The following LRP1B variants were observed in gnomAD, a reference collection of about 807,000 sequenced individuals.
LRP1B encodes LDL receptor related protein 1B.
LRP1B carries 217 observed loss-of-function variants against 556.6 expected under a neutral mutation model. That is an observed-to-expected ratio of 0.39 (90% confidence interval 0.35 to 0.44). The LOEUF (loss-of-function observed/expected upper bound fraction) is 0.44. Ranked by LOEUF, LRP1B falls within the 20% of genes least tolerant of loss-of-function variation. The probability of loss-of-function intolerance (pLI) is 1.00; values close to 1 mark genes in which losing one functional copy is unlikely to be tolerated. For synonymous variants in LRP1B, 2,047 were observed against 1,865.8 expected (o/e 1.10, Z -2.50); for missense variants, 5,053 against 5,620.8 (o/e 0.90, Z 3.23).
chr2:140,644,851 C>T (rs1487704385), intron 41 of LRP1B, among the ~76,000 whole-genome samples: 1 of 151,754 alleles, frequency 6.6e-6, no homozygotes, highest in Non-Finnish European at 1.5e-5. Context: ...TACAAGTACT[C>T]CTTATTCATT....
chr2:140,649,723 C>G (rs1194712337), intron 41 of LRP1B, among the ~76,000 whole-genome samples: 4 of 152,156 alleles, frequency 2.6e-5, no homozygotes, highest in Non-Finnish European at 5.9e-5. Flanking sequence ...TCACCAGATC[C>G]CGTGAATCTA....
chr2:141,415,037 C>T lies in LRP1B; in HGVS notation c.343+65359G>A, dbSNP rs918294426. On this transcript the variant is annotated intron_variant, in intron 3 of 90. Coordinates refer to ENST00000389484, the MANE Select transcript of LRP1B (RefSeq NM_018557.3). ...TGTTTTGTTTTGTTTTGTTTTGAGACGGAGTCTTGCTCTGTCACCCAGGCT... is the reference window on the plus strand; with the variant it reads ...TGTTTTGTTTTGTTTTGTTTTGAGATGGAGTCTTGCTCTGTCACCCAGGCT... Among the ~76,000 whole-genome samples, 19 of 151,250 alleles carry T rather than the reference C, an allele frequency of 1.3e-4. 1 individual carries two copies. The highest frequency in any genetic ancestry group is 1.1e-3 in the Admixed American group (16 of 15,222).
At chr2:141,711,231 A>G (rs1252688439) in intron 2 of LRP1B, among the ~76,000 whole-genome samples, 3 of 152,094 alleles carry the variant, frequency 2.0e-5, no homozygotes. Context: ...TGCCAACCCA[A>G]CCAGAGCTGA....
chr2:141,331,214 G>A (rs1209658943), intron 3 of LRP1B, among the ~76,000 whole-genome samples: 2 of 152,188 alleles, frequency 1.3e-5, no homozygotes, highest in Admixed American at 1.3e-4. Context: ...AAGTAGTCAA[G>A]TAGTTTCTAA....
chr2:141,475,881 T>A (rs1384522038), intron 3 of LRP1B, among the ~76,000 whole-genome samples: 4 of 152,088 alleles, frequency 2.6e-5, no homozygotes, highest in African/African-American at 9.7e-5. Flanking sequence ...CGTCCAACAA[T>A]AAAATCTCCT....
chr2:140,514,667 C>T lies in LRP1B; in HGVS notation c.8255G>A (p.Ser2752Asn), dbSNP rs2104931684. 1 of 1,609,596 alleles carries T rather than the reference C, an allele frequency of 6.2e-7. No homozygotes were observed. The highest frequency in any genetic ancestry group is 8.5e-7 in the Non-Finnish European group (1 of 1,177,182). ...EDDCGDGLDE[S>N]DSICGAITCA... is the part of the protein sequence containing the mutation. ...ACACAACTTACCACAAATGCTGTCA[C>T]TTTCATCTAACCCATCCCCACAGTC... The change falls in exon 51 of 91, where the codon AGT (serine) becomes AAT (asparagine). Residue 2752 changes from serine (S) to asparagine (N), a missense_variant. Coordinates refer to ENST00000389484, the MANE Select transcript of LRP1B (RefSeq NM_018557.3).
chr2:142,113,030 G>A (rs554657006), intron 1 of LRP1B, among the ~76,000 whole-genome samples: 1 of 152,010 alleles, frequency 6.6e-6, no homozygotes, highest in African/African-American at 2.4e-5. Context: ...CTTCCCCCTG[G>A]TGGTTATAGA....
intron 67 of LRP1B, among the ~76,000 whole-genome samples, chr2:140,383,530 C>A (rs1683628992): frequency 6.6e-6 from 1 of 152,062 alleles, no homozygotes; most frequent in Non-Finnish European, 1.5e-5. Flanking sequence ...CTTCCCATTT[C>A]TTCTGGCCTA....
At chr2:141,480,741 T>C (rs887015890) in intron 2 of LRP1B, among the ~76,000 whole-genome samples, 1 of 152,212 alleles carries the variant, frequency 6.6e-6, no homozygotes, top group Non-Finnish European at 1.5e-5. Flanking sequence ...AAATATGTAT[T>C]TTTTCAAATA....
intron 89 of LRP1B, 100 bp from the exon 90 acceptor site, chr2:140,234,984 C>T (rs1379408344): frequency 3.4e-6 from 2 of 595,180 alleles, no homozygotes; most frequent in South Asian, 4.4e-5. Context: ...ATAAAAATAC[C>T]CTTTAGCCTT....
intron 31 of LRP1B, among the ~76,000 whole-genome samples, chr2:140,833,356 T>C (rs1691783832): frequency 6.6e-6 from 1 of 152,186 alleles, no homozygotes; most frequent in South Asian, 2.1e-4. Flanking sequence ...TTCTTTACCA[T>C]TGTCACTTGG....
chr2:140,929,822 C>T (rs1436741552), intron 20 of LRP1B, among the ~76,000 whole-genome samples: 3 of 148,110 alleles, frequency 2.0e-5, no homozygotes, highest in Non-Finnish European at 3.0e-5. Context: ...TCTCATTCTA[C>T]TTCCTTACTA....
chr2:142,128,948 T>A (rs1162138149), intron 1 of LRP1B, among the ~76,000 whole-genome samples: 3 of 152,234 alleles, frequency 2.0e-5, no homozygotes, highest in Non-Finnish European at 4.4e-5. Context: ...GTAGCAGTAG[T>A]TCTATCCTCA....
chr2:141,963,015 T>A (rs1701445545), intron 1 of LRP1B, among the ~76,000 whole-genome samples: 2 of 151,768 alleles, frequency 1.3e-5, no homozygotes. Flanking sequence ...TAAAATAAGA[T>A]TTTTTATTCA....
intron 7 of LRP1B, among the ~76,000 whole-genome samples, chr2:141,143,545 T>C (rs943030457): frequency 3.9e-5 from 6 of 152,194 alleles, no homozygotes; most frequent in South Asian, 2.1e-4. Flanking sequence ...TAGGATCTTA[T>C]TGGAGTTGTA....
At chr2:140,587,964 C>T (rs1461743370) in intron 43 of LRP1B, among the ~76,000 whole-genome samples, 1 of 152,010 alleles carries the variant, frequency 6.6e-6, no homozygotes, top group Non-Finnish European at 1.5e-5. Context: ...TGAAAACTGT[C>T]AACCCAGTGA....
At chr2:140,998,446 C>T (rs1697317761) in intron 15 of LRP1B, among the ~76,000 whole-genome samples, 1 of 152,028 alleles carries the variant, frequency 6.6e-6, no homozygotes, top group Middle Eastern at 3.4e-3. Context: ...TTTTTTCCCA[C>T]AAACATGTTG....
intron 86 of LRP1B, among the ~76,000 whole-genome samples, chr2:140,252,985 G>T (rs1681519226): frequency 6.6e-6 from 1 of 151,870 alleles, no homozygotes; most frequent in African/African-American, 2.4e-5. Flanking sequence ...AAATACTTTG[G>T]TACTATAATT....
intron 3 of LRP1B, among the ~76,000 whole-genome samples, chr2:141,261,983 C>A (rs1039864436): frequency 6.6e-6 from 1 of 152,082 alleles, no homozygotes; most frequent in Non-Finnish European, 1.5e-5. Context: ...TGGCTGCATT[C>A]TTTTATAATC....
Sources: allele counts gnomAD v4.1 joint callset (sites outside exome capture counted in the v4.1 genomes callset), GRCh38; gene constraint gnomAD v4.1.1; transcripts MANE v1.5; gene names NCBI Gene and HGNC (gene_info 2026-07-23, HGNC 2026-07-21).